The following CCNY variants were observed in gnomAD, a reference collection of about 807,000 sequenced individuals.
CCNY encodes the protein cyclin-Y.
In CCNY, 19 loss-of-function variants were observed where a neutral mutation model predicts 42.8. That is an observed-to-expected ratio of 0.44 (90% CI 0.31 to 0.65). CCNY has a LOEUF of 0.65. Among genes scored for constraint, CCNY ranks in the 30% least tolerant of loss-of-function variants. The pLI is 0.07. For missense variants in CCNY, 370 were observed against 437.3 expected, an observed-to-expected ratio of 0.85 and a Z score of 1.37; for synonymous variants, 165 against 162.7, an observed-to-expected ratio of 1.01 and a Z score of -0.11.
intron 9 of CCNY, among the ~76,000 whole-genome samples, chr10:35,566,690 A>C (rs1401461608): frequency 6.6e-6 from 1 of 152,102 alleles, no homozygotes; most frequent in Non-Finnish European, 1.5e-5. Context: ...TTTATACTTA[A>C]TAAGCAAAGG....
intron 2 of CCNY, among the ~76,000 whole-genome samples, chr10:35,486,261 G>A (rs923686006): frequency 2.0e-5 from 3 of 152,128 alleles, no homozygotes; most frequent in African/African-American, 7.2e-5. Flanking sequence ...ACATCATATT[G>A]GCGGCTTGAA....
chr10:35,566,888 T>A (rs1841582993), intron 9 of CCNY, among the ~76,000 whole-genome samples: 1 of 151,610 alleles, frequency 6.6e-6, no homozygotes, highest in Non-Finnish European at 1.5e-5. Flanking sequence ...TTTTGTATTT[T>A]TAGTAGAGAT....
chr10:35,359,986 C>T (rs1238381372), intron 1 of CCNY, among the ~76,000 whole-genome samples: 1 of 152,186 alleles, frequency 6.6e-6, no homozygotes, highest in Non-Finnish European at 1.5e-5. Flanking sequence ...ATGGATATAT[C>T]ACATTTTGTT....
intron 1 of CCNY, among the ~76,000 whole-genome samples, chr10:35,366,794 A>G (rs1247602249): frequency 2.0e-5 from 3 of 152,238 alleles, no homozygotes; most frequent in Non-Finnish European, 4.4e-5. Context: ...GTGGCAGTCA[A>G]ACATTTGAAA....
At chr10:35,488,547 C>A (rs568374510) in intron 2 of CCNY, among the ~76,000 whole-genome samples, 3 of 152,192 alleles carry the variant, frequency 2.0e-5, no homozygotes, top group Admixed American at 2.0e-4. Context: ...CGGTGTGTCT[C>A]CTTCAGGGCA....
intron 1 of CCNY, among the ~76,000 whole-genome samples, chr10:35,365,009 T>G (rs1292593270): frequency 6.6e-6 from 1 of 152,200 alleles, no homozygotes; most frequent in African/African-American, 2.4e-5. Flanking sequence ...CTTAAACAAA[T>G]GTATTTCCTC....
intron 3 of CCNY, among the ~76,000 whole-genome samples, chr10:35,261,185 G>A (rs2095719276): frequency 6.7e-6 from 1 of 149,716 alleles, no homozygotes; most frequent in South Asian, 2.1e-4. Context: ...GAGGTCAGCA[G>A]TTTGAGACCA....
intron 4 of CCNY, among the ~76,000 whole-genome samples, 186 bp from the exon 5 acceptor site, chr10:35,525,778 G>C (rs1015363923): frequency 6.6e-6 from 1 of 152,130 alleles, no homozygotes; most frequent in East Asian, 1.9e-4. Context: ...CTGGGAATTA[G>C]TGCCACATTG....
intron 1 of CCNY, among the ~76,000 whole-genome samples, chr10:35,353,269 T>A (rs1357476910): frequency 1.3e-5 from 2 of 152,190 alleles, no homozygotes; most frequent in African/African-American, 4.8e-5. Flanking sequence ...TTAGTTGAAC[T>A]TGTTCGTAGC....
At chr10:35,565,980 G>A (rs1406318075) in intron 8 of CCNY, 43 bp from the exon 9 acceptor site, 1 of 1,580,886 alleles carries the variant, frequency 6.3e-7, no homozygotes, top group Admixed American at 1.8e-5. Flanking sequence ...ACGTGGCCTG[G>A]TGTGGCAGCT....
intron 1 of CCNY, among the ~76,000 whole-genome samples, chr10:35,346,743 C>T (rs896680457): frequency 3.9e-5 from 6 of 152,198 alleles, no homozygotes; most frequent in South Asian, 2.1e-4. Context: ...CCTCCCACCT[C>T]AGCCTCCTGA....
intron 1 of CCNY, among the ~76,000 whole-genome samples, chr10:35,359,487 TTTATTTA>T (rs1288427678): frequency 6.9e-6 from 1 of 144,440 alleles, no homozygotes; most frequent in African/African-American, 2.6e-5. Context: ...ATTTTAACTC[TTTATTTA>T]TTATTATTAT....
chr10:35,282,552 C>A (rs931790812), intron 3 of CCNY, among the ~76,000 whole-genome samples: 3 of 151,538 alleles, frequency 2.0e-5, no homozygotes, highest in Non-Finnish European at 1.5e-5. Context: ...ATGGTGAAAC[C>A]CTGTCTCTAC....
In CCNY at chr10:35,569,088, A is replaced by T. The variant is rs773802657; in HGVS notation, c.944A>T (p.Asp315Val). Reference sequence around the variant, plus strand: ...CGCCTCTGCGAGGACAAGTACAAGGACCTAAGAAGATCCGCGAGGAAGCGC... The same window carrying T: ...CGCCTCTGCGAGGACAAGTACAAGGTCCTAAGAAGATCCGCGAGGAAGCGC... ...ISRLCEDKYK[D>V]LRRSARKRSA... is the part of the protein sequence containing the mutation. The change falls in exon 10 of 10, where the codon GAC becomes GTC. Residue 315 changes from aspartate to valine, a missense_variant. Transcript: ENST00000374704. The T allele has an allele frequency of 6.2e-7, 1 of 1,613,228 alleles. No individual in the cohort carries two copies. The highest frequency in any genetic ancestry group is 8.5e-7 in the Non-Finnish European group (1 of 1,179,820).
intron 3 of CCNY, among the ~76,000 whole-genome samples, chr10:35,283,283 T>C (rs1322443227): frequency 1.3e-5 from 2 of 152,172 alleles, no homozygotes; most frequent in Non-Finnish European, 2.9e-5. Flanking sequence ...GAAGATGAGA[T>C]ATGTGGATAA....
At chr10:35,507,500 A>G (rs897967296) in intron 3 of CCNY, among the ~76,000 whole-genome samples, 1 of 152,126 alleles carries the variant, frequency 6.6e-6, no homozygotes, top group African/African-American at 2.4e-5. Flanking sequence ...TTTCTCCCTA[A>G]TACTCCACTG....
intron 1 of CCNY, among the ~76,000 whole-genome samples, chr10:35,373,549 A>G (rs1836984824): frequency 1.3e-5 from 2 of 152,160 alleles, no homozygotes; most frequent in African/African-American, 2.4e-5. Context: ...CCACTTATAC[A>G]TGGATTTTCT....
chr10:35,517,535 T>C (rs1840454604), intron 4 of CCNY, among the ~76,000 whole-genome samples: 1 of 152,248 alleles, frequency 6.6e-6, no homozygotes, highest in African/African-American at 2.4e-5. Context: ...CTAGAAGCCC[T>C]GTTCTGAGTA....
intron 7 of CCNY, among the ~76,000 whole-genome samples, chr10:35,549,504 CA>C (rs1212179062): frequency 2.0e-5 from 3 of 149,212 alleles, no homozygotes; most frequent in African/African-American, 7.5e-5. Context: ...CATGACCCTA[CA>C]GTGCTCGTGA....
Sources: gnomAD v4.1 joint callset for allele counts (sites outside exome capture counted in the v4.1 genomes callset) on GRCh38, gnomAD v4.1.1 for gene constraint, MANE v1.5 for transcripts, NCBI Gene and HGNC (gene_info 2026-07-23, HGNC 2026-07-21) for gene names.